The following THOC7 variants were observed in gnomAD, a reference collection of about 807,000 sequenced individuals.
THOC7 encodes NIF3L1-binding protein 1.
Under a neutral mutation model 33.1 loss-of-function variants are expected in THOC7, and 22 were observed. The ratio of observed to expected loss-of-function variants is 0.66; its 90% CI spans 0.47 to 0.95. The LOEUF (loss-of-function observed/expected upper bound fraction) is 0.95. Among genes scored for constraint, THOC7 ranks in the 40% least tolerant of loss-of-function variants. THOC7 has a pLI of 0.00. For synonymous variants in THOC7, 77 were observed against 76.8 expected (o/e 1.00, Z -0.01); for missense variants, 184 against 245.3 (o/e 0.75, Z 1.67).
At chr3:63,840,911 G>C (rs1324874185) in intron 1 of THOC7, among the ~76,000 whole-genome samples, 1 of 152,190 alleles carries the variant, frequency 6.6e-6, no homozygotes, top group Non-Finnish European at 1.5e-5. Flanking sequence ...CTACCATTCT[G>C]ACCCCATAAT....
intron 1 of THOC7, chr3:63,863,554 C>T (rs1702291308): frequency 2.5e-6 from 3 of 1,196,340 alleles, no homozygotes; most frequent in Non-Finnish European, 3.1e-6. Flanking sequence ...AGCCGAGGGT[C>T]TCCGAGGGGC....
chr3:63,835,114 A>T (rs768459330), intron 7 of THOC7, 40 bp downstream of exon 7: 11 of 1,598,476 alleles, frequency 6.9e-6, no homozygotes, highest in Non-Finnish European at 7.7e-6. Context: ...TCATTTAAAA[A>T]ATCTTCATAA....
rs1227935479 is a variant in THOC7, at chr3:63,834,657, T to TAA, written c.548-460_548-459dup. Among the ~76,000 whole-genome samples the TAA allele has an allele frequency of 5.8e-5, 8 of 138,076 alleles. No homozygotes were observed. The East Asian group carries it at 6.2e-4, about 11-fold the overall frequency. 90.6% of individuals were successfully genotyped at this position (138,076 alleles called of 152,430 possible). On this transcript the variant is annotated intron_variant, in intron 7 of 7. Transcript: ENST00000295899. ...CCTGGGTGACAGAGCAAGACTGTCTTAAAAAAAAAAAAAAGAAAAGAAAAA... is the reference window on the plus strand; with the variant it reads ...CCTGGGTGACAGAGCAAGACTGTCTTAAAAAAAAAAAAAAAAGAAAAGAAAAA...
intron 1 of THOC7, among the ~76,000 whole-genome samples, chr3:63,840,832 A>T (rs1399657002): frequency 6.6e-6 from 1 of 152,242 alleles, no homozygotes; most frequent in Non-Finnish European, 1.5e-5. Context: ...ACTTTTATAC[A>T]CTAATAAAAT....
At chr3:63,853,271 G>A (rs930725808) in intron 1 of THOC7, among the ~76,000 whole-genome samples, 1 of 152,040 alleles carries the variant, frequency 6.6e-6, no homozygotes, top group Non-Finnish European at 1.5e-5. Context: ...GCACAAGTAG[G>A]AGTGTGGCAC....
At chr3:63,863,700 G>C (rs1702300677) in intron 1 of THOC7, 72 bp downstream of exon 1, 1 of 1,242,382 alleles carries the variant, frequency 8.0e-7, no homozygotes, top group Admixed American at 4.2e-5. Context: ...AAGCGGGCCG[G>C]GAGGCCAGGG....
intron 3 of THOC7, 34 bp downstream of exon 3, chr3:63,838,337 AT>A (rs1701676739): frequency 7.3e-7 from 1 of 1,364,810 alleles, no homozygotes; most frequent in African/African-American, 1.5e-5. Context: ...ACCATAAAAA[AT>A]AAAATTACAG....
chr3:63,845,072 C>G (rs1701858866), intron 1 of THOC7: 1 of 698,272 alleles, frequency 1.4e-6, no homozygotes, highest in Non-Finnish European at 2.6e-6. Flanking sequence ...CCTTGAGGAA[C>G]ACAGGAAAAG....
At chr3:63,853,926 T>A (rs1050365100) in intron 1 of THOC7, among the ~76,000 whole-genome samples, 1 of 151,388 alleles carries the variant, frequency 6.6e-6, no homozygotes, top group African/African-American at 2.4e-5. Context: ...AAAAAAAAAA[T>A]TTAATCCACA....
rs992015432 is a variant in THOC7 at position 63,841,229 on chromosome 3, C to T, written c.20-1456G>A. ...AGGCTTTGCGTGTGTGCATGTGTAT[C>T]ACACATGCATGTGTGTATTCAGAGA... On this transcript the variant is annotated intron_variant, in intron 1 of 7. Transcript: ENST00000295899. 2.0e-5 allele frequency among the ~76,000 whole-genome samples: 3 copies of T among 152,268 alleles called. No individual in the cohort carries two copies. The South Asian group carries it at 6.2e-4, about 32-fold the overall frequency.
At chr3:63,852,124 C>G (rs959858476) in intron 1 of THOC7, among the ~76,000 whole-genome samples, 4 of 152,166 alleles carry the variant, frequency 2.6e-5, no homozygotes, top group Admixed American at 6.5e-5. Context: ...AGCCATAAAA[C>G]TTGGTAGCAT....
chr3:63,835,766 T>C (rs1351605004), intron 5 of THOC7, among the ~76,000 whole-genome samples: 2 of 152,100 alleles, frequency 1.3e-5, no homozygotes, highest in East Asian at 3.8e-4. Flanking sequence ...CCTAGTCCTC[T>C]ATCCTGGGCC....
At chr3:63,835,576 A>G (rs1701615203) in intron 5 of THOC7, among the ~76,000 whole-genome samples, 186 bp from the exon 6 acceptor site, 1 of 151,578 alleles carries the variant, frequency 6.6e-6, no homozygotes. Flanking sequence ...CTAAATATGG[A>G]CTCACTTTCA....
At position 63,852,091 on chromosome 3, in the gene THOC7, T is replaced by G. The variant is rs968854872; in HGVS notation, c.19+11681A>C. Reference sequence around the variant, plus strand: ...GGTTCAAGAAGGCCCAAGTGCAGCTTGACTTACTACTTGGGAAGATACAGC... The same window carrying G: ...GGTTCAAGAAGGCCCAAGTGCAGCTGGACTTACTACTTGGGAAGATACAGC... On this transcript the variant is annotated intron_variant, in intron 1 of 7. Coordinates refer to ENST00000295899, the MANE Select transcript of THOC7 (RefSeq NM_025075.4). Among the ~76,000 whole-genome samples the G allele has an allele frequency of 3.3e-5, 5 of 152,266 alleles. 1 individual carries two copies. In the East Asian group the frequency reaches 7.8e-4, roughly 24 times the overall value.
At chr3:63,847,762 C>G (rs755275444) in intron 1 of THOC7, among the ~76,000 whole-genome samples, 6 of 152,030 alleles carry the variant, frequency 3.9e-5, no homozygotes, top group African/African-American at 7.2e-5. Flanking sequence ...AAAACAAACT[C>G]TGACATAACT....
At chr3:63,854,887 A>G (rs981798268) in intron 1 of THOC7, 2 of 151,442 alleles carry the variant, frequency 1.3e-5, no homozygotes, top group Non-Finnish European at 3.0e-5. Context: ...GGGCGCCTGT[A>G]GTCCCAGCTA....
intron 1 of THOC7, among the ~76,000 whole-genome samples, chr3:63,858,445 T>C (rs559980898): frequency 8.5e-5 from 13 of 152,286 alleles, no homozygotes; most frequent in Admixed American, 1.3e-4. Flanking sequence ...TATTCATGCA[T>C]TACATTTTTC....
chr3:63,839,097 C>T (rs993024502), intron 2 of THOC7, among the ~76,000 whole-genome samples: 9 of 151,810 alleles, frequency 5.9e-5, no homozygotes, highest in Non-Finnish European at 1.2e-4. Context: ...GGTTGAGGCA[C>T]GAGTACTGCT....
Position 63,838,061 on chromosome 3 carries a change from T to C in THOC7, c.267A>G (p.Glu89=). The change falls in exon 4 of 8, where the codon GAA becomes GAG. Residue 89 remains glutamate, a splice_region_variant and synonymous_variant. Transcript: ENST00000295899. ...TTTCATGTGCTCCAGCTATGCTACA[T>C]TCTATATGAGAAGGTTTTTTAAAAG... ...ENYEKIYKEI[E]CSIAGAHEKI... 6.3e-7 allele frequency: 1 copy of C among 1,598,742 alleles called. No individual in the cohort carries two copies. The highest frequency in any genetic ancestry group is 8.5e-7 in the Non-Finnish European group (1 of 1,174,916).
Sources: allele counts gnomAD v4.1 joint callset (sites outside exome capture counted in the v4.1 genomes callset), GRCh38; gene constraint gnomAD v4.1.1; transcripts MANE v1.5; gene names NCBI Gene and HGNC (gene_info 2026-07-23, HGNC 2026-07-21).